The following RPRD2 variants were observed in gnomAD, a reference collection of about 807,000 sequenced individuals.
RPRD2 encodes regulation of nuclear pre-mRNA domain containing 2, also known as regulation of nuclear pre-mRNA domain-containing protein 2.
In RPRD2, 12 loss-of-function variants were observed where a neutral mutation model predicts 104.4. That is an observed-to-expected ratio of 0.11 (90% confidence interval 0.07 to 0.19). RPRD2 has a LOEUF of 0.19. Ranked by LOEUF, RPRD2 falls within the 10% of genes least tolerant of loss-of-function variation. RPRD2 has a pLI of 1.00. For missense variants in RPRD2, 1,543 were observed against 1,790.1 expected (o/e 0.86, Z 2.49); for synonymous variants, 714 against 684.9 (o/e 1.04, Z -0.66).
At chr1:150,447,727 G>A (rs1666880472) in intron 7 of RPRD2, among the ~76,000 whole-genome samples, 1 of 152,132 alleles carries the variant, frequency 6.6e-6, no homozygotes, top group Admixed American at 6.5e-5. Flanking sequence ...GTTCCATAAT[G>A]AATTTTTTTT....
In RPRD2 at chr1:150,386,946, C is replaced by A. The variant is rs984157208; in HGVS notation, c.205+22027C>A. On this transcript the variant is annotated intron_variant, in intron 1 of 10. Transcript: ENST00000369068. ...TACATTACTCTCAACTGGATGGCTG[C>A]ACGTATGTCTTTTAAGTGTGTGCAT... is the stretch of plus-strand genomic sequence containing the variant. Among the ~76,000 whole-genome samples the A allele has an allele frequency of 3.3e-5, 5 of 152,080 alleles. No homozygotes were observed. In the East Asian group the frequency reaches 9.6e-4, roughly 29 times the overall value.
chr1:150,472,428 T>G lies in RPRD2; in HGVS notation c.3480T>G (p.Thr1160=). The G allele has an allele frequency of 6.2e-7, 1 of 1,613,966 alleles. No individual in the cohort carries two copies. The highest frequency in any genetic ancestry group is 8.5e-7 in the Non-Finnish European group (1 of 1,179,878). Residue 1160 remains threonine (T), a synonymous_variant, in exon 11 of 11, where the codon ACT becomes ACG. Coordinates refer to ENST00000369068, the MANE Select transcript of RPRD2 (RefSeq NM_015203.5). ...SLGGGGSGGL[T]GFKTAPYKER... ...GGGGTGGGGGCAGCGGAGGCCTCACTGGCTTTAAAACAGCACCATACAAGG... is the reference window on the plus strand; with the variant it reads ...GGGGTGGGGGCAGCGGAGGCCTCACGGGCTTTAAAACAGCACCATACAAGG...
intron 1 of RPRD2, 49 bp from the exon 2 acceptor site, chr1:150,417,547 G>T (rs782147989): frequency 7.0e-7 from 1 of 1,423,190 alleles, no homozygotes; most frequent in African/African-American, 1.4e-5. Context: ...GTTGAACTAA[G>T]TGCAAATTGA....
At position 150,471,964 on chromosome 1, in the gene RPRD2, A is replaced by G. The variant is rs1388169388; in HGVS notation, c.3016A>G (p.Thr1006Ala). Residue 1006 changes from threonine to alanine, a missense_variant, in exon 11 of 11, where the codon ACG becomes GCG. Transcript: ENST00000369068. The surrounding 1 kb of genome is among the most constrained non-coding windows in gnomAD (Gnocchi z 5.3). Reference sequence around the variant, plus strand: ...GGCCTCCACCATTTCCACCACGTCGACGATTGAATTTAAGAATATGCTTAA... The same window carrying G: ...GGCCTCCACCATTTCCACCACGTCGGCGATTGAATTTAAGAATATGCTTAA... The part of the protein sequence containing the change: ...VLASTISTTS[T>A]IEFKNMLKNA... The G allele has an allele frequency of 6.2e-6, 10 of 1,613,812 alleles. No individual in the cohort carries two copies. Among genetic ancestry groups the G allele is most frequent in the Non-Finnish European group, 8.5e-6 (10 of 1,179,890 alleles).
intron 1 of RPRD2, among the ~76,000 whole-genome samples, chr1:150,403,374 C>A (rs150258997): frequency 6.6e-6 from 1 of 152,262 alleles, no homozygotes; most frequent in East Asian, 1.9e-4. Flanking sequence ...ATCCTCAGAA[C>A]TTCGTCTCAC....
rs772326976 is a variant in RPRD2 at position 150,471,764 on chromosome 1, C to T, written c.2816C>T (p.Thr939Ile). The T allele has an allele frequency of 8.1e-6, 13 of 1,613,778 alleles. No individual in the cohort carries two copies. Among genetic ancestry groups the T allele is most frequent in the Non-Finnish European group, 1.0e-5 (12 of 1,179,870 alleles). ...CCGAGTAAGAATGATTCATTTTTCA[C>T]CCCTGACTCCAACCACAATAGCTTG... The part of the protein sequence containing the change: ...PSPSKNDSFF[T>I]PDSNHNSLSQ... The change falls in exon 11 of 11, where the codon ACC (threonine) becomes ATC (isoleucine). Residue 939 changes from threonine to isoleucine, a missense_variant. Around this residue, in one of 4 missense-constraint regions of RPRD2, gnomAD observed 880 missense variants for 885.6 expected, o/e 0.99. Coordinates refer to ENST00000369068, the MANE Select transcript of RPRD2 (RefSeq NM_015203.5). The surrounding 1 kb of genome is among the most constrained non-coding windows in gnomAD (Gnocchi z 5.3).
chr1:150,444,504 C>T (rs1572489434), intron 6 of RPRD2, 127 bp downstream of exon 6: 2 of 827,200 alleles, frequency 2.4e-6, no homozygotes, highest in East Asian at 2.7e-5. Context: ...CCTCTGGTTT[C>T]CCAGGTAGTT....
In RPRD2 at chr1:150,472,221, C is replaced by G; in HGVS notation, c.3273C>G (p.His1091Gln). The change falls in exon 11 of 11, where the codon CAC (histidine) becomes CAG (glutamine). Residue 1091 changes from histidine to glutamine, a missense_variant. Physicochemically the swap from His to Gln is conservative, Grantham distance 24. Around this residue, in one of 4 missense-constraint regions of RPRD2, gnomAD observed 880 missense variants for 885.6 expected, o/e 0.99. Coordinates refer to ENST00000369068, the MANE Select transcript of RPRD2 (RefSeq NM_015203.5). Reference protein sequence around the residue: ...KGAPIETLGYHSASNRRMSGE... With the variant: ...KGAPIETLGYQSASNRRMSGE... The stretch of plus-strand genomic sequence containing the variant: ...CCCCTATAGAAACCTTGGGTTATCA[C>G]AGTGCATCCAATAGGAGGATGTCAG... 6.2e-7 allele frequency: 1 copy of G among 1,613,944 alleles called. No homozygotes were observed. Among genetic ancestry groups the G allele is most frequent in the Non-Finnish European group, 8.5e-7 (1 of 1,179,872 alleles).
chr1:150,434,288 G>A (rs1328702793), intron 2 of RPRD2, among the ~76,000 whole-genome samples: 2 of 152,156 alleles, frequency 1.3e-5, no homozygotes, highest in South Asian at 2.1e-4. Flanking sequence ...CCTGGGAGGC[G>A]GAGGTTGCAA....
intron 7 of RPRD2, among the ~76,000 whole-genome samples, chr1:150,446,833 CTTTTTTTT>C (rs782290005): frequency 7.8e-6 from 1 of 127,512 alleles, no homozygotes; most frequent in Non-Finnish European, 1.6e-5. Flanking sequence ...AGACCTGGGT[CTTTTTTTT>C]TTTTTTTTTG....
intron 2 of RPRD2, among the ~76,000 whole-genome samples, chr1:150,419,603 G>A (rs587740711): frequency 3.9e-5 from 6 of 152,046 alleles, no homozygotes; most frequent in Non-Finnish European, 8.8e-5. Context: ...ACTTTATACC[G>A]TGGGCACTAT....
intron 2 of RPRD2, among the ~76,000 whole-genome samples, chr1:150,430,884 G>A (rs587594426): frequency 1.1e-3 from 169 of 151,720 alleles, no homozygotes; most frequent in Non-Finnish European, 2.0e-3. Flanking sequence ...CTGAGATCGC[G>A]CCGTTGCACT....
At chr1:150,385,979 T>C (rs1369451528) in intron 1 of RPRD2, among the ~76,000 whole-genome samples, 4 of 151,904 alleles carry the variant, frequency 2.6e-5, no homozygotes, top group Admixed American at 1.3e-4. Flanking sequence ...TAATAAATCG[T>C]AGGTAAGTAG....
chr1:150,458,197 G>A (rs928115480), intron 8 of RPRD2, among the ~76,000 whole-genome samples: 17 of 152,180 alleles, frequency 1.1e-4, no homozygotes, highest in Admixed American at 4.6e-4. Flanking sequence ...GCTCATGCCT[G>A]TAATCTCAGC....
intron 2 of RPRD2, among the ~76,000 whole-genome samples, chr1:150,420,874 A>G (rs1664713998): frequency 6.6e-6 from 1 of 152,202 alleles, no homozygotes; most frequent in Non-Finnish European, 1.5e-5. Flanking sequence ...CATTTAGAAG[A>G]GACAGAATTG....
chr1:150,380,378 T>G (rs1408091407), intron 1 of RPRD2, among the ~76,000 whole-genome samples: 2 of 151,986 alleles, frequency 1.3e-5, no homozygotes, highest in East Asian at 3.8e-4. Context: ...CATCATTCTC[T>G]TATCATATTA....
chr1:150,463,994 TAAG>T (rs782461887), intron 9 of RPRD2, among the ~76,000 whole-genome samples: 1 of 152,138 alleles, frequency 6.6e-6, no homozygotes, highest in African/African-American at 2.4e-5. Flanking sequence ...TAAAAATAAA[TAAG>T]AAATATTGGG....
At chr1:150,432,175 T>TAAAAA (rs59749202) in intron 2 of RPRD2, among the ~76,000 whole-genome samples, 1 of 131,178 alleles carries the variant, frequency 7.6e-6, no homozygotes. Flanking sequence ...CCCTAAATCT[T>TAAAAA]AAAAAAAAAA....
chr1:150,437,020 A>G (rs1666051228), intron 2 of RPRD2, among the ~76,000 whole-genome samples: 1 of 152,236 alleles, frequency 6.6e-6, no homozygotes, highest in Non-Finnish European at 1.5e-5. Context: ...AGCCTGGGCA[A>G]CATTGCGAGA....
Sources: allele counts gnomAD v4.1 joint callset (sites outside exome capture counted in the v4.1 genomes callset), GRCh38; gene constraint gnomAD v4.1.1; regional missense constraint gnomAD v4.1.1; non-coding constraint Gnocchi (gnomAD v3.1); transcripts MANE v1.5; gene names NCBI Gene and HGNC (gene_info 2026-07-23, HGNC 2026-07-21).